The following EFCAB6 variants were observed in gnomAD, a reference collection of about 807,000 sequenced individuals.
EFCAB6 encodes the protein EF-hand calcium-binding domain-containing protein 6.
EFCAB6 carries 156 observed loss-of-function variants against 169.8 expected under a neutral mutation model. That is an observed-to-expected ratio of 0.92 (90% CI 0.81 to 1.05). EFCAB6 has a LOEUF of 1.05. Ranked by LOEUF, EFCAB6 falls within the 50% of genes least tolerant of loss-of-function variation. EFCAB6 has a pLI of 0.00. For missense variants in EFCAB6, 1,800 were observed against 1,829.1 expected, an observed-to-expected ratio of 0.98 and a Z score of 0.29; for synonymous variants, 698 against 676.4, an observed-to-expected ratio of 1.03 and a Z score of -0.50.
chr22:43,802,886 ACACTT>A (rs1218389346), intron 2 of EFCAB6: 2 of 302,014 alleles, frequency 6.6e-6, no homozygotes, highest in Admixed American at 7.3e-5. Context: ...AGCACACAGA[ACACTT>A]CATTGTTGTC....
intron 2 of EFCAB6, among the ~76,000 whole-genome samples, chr22:43,784,560 CATATATATGTGTACATATACACATAT>C (rs2061962486): frequency 1.2e-5 from 1 of 82,288 alleles, no homozygotes; most frequent in African/African-American, 5.6e-5. Flanking sequence ...TATATATACA[CATATATATGTGTACATATACACATAT>C]ATATGTATAT....
chr22:43,646,152 C>G (rs1303945120), intron 17 of EFCAB6, among the ~76,000 whole-genome samples: 1 of 152,184 alleles, frequency 6.6e-6, no homozygotes, highest in African/African-American at 2.4e-5. Flanking sequence ...ATCTGTCGTT[C>G]AAAGGGTAAG....
chr22:43,625,121 T>C (rs1489804265), intron 20 of EFCAB6, among the ~76,000 whole-genome samples: 2 of 152,132 alleles, frequency 1.3e-5, no homozygotes, highest in African/African-American at 2.4e-5. Context: ...ATAAAACCTA[T>C]GAATTCAGGG....
chr22:43,538,849 A>ATTATCTT lies in EFCAB6; in HGVS notation c.3879+1277_3879+1278insAAGATAA, dbSNP rs1255938042. On this transcript the variant is annotated intron_variant, in intron 28 of 31. Transcript: ENST00000262726. ...CAGATTTCCGTGAATTTAGTGGCTT[A>ATTATCTT]AAACAACACCAACTTATTATCTTAC... is the stretch of plus-strand genomic sequence containing the variant. 5.6e-4 allele frequency among the ~76,000 whole-genome samples: 86 copies of ATTATCTT among 152,362 alleles called. No homozygotes were observed. The East Asian group carries it at 0.014, about 25-fold the overall frequency.
chr22:43,644,528 A>C (rs2056026806), intron 17 of EFCAB6, among the ~76,000 whole-genome samples: 1 of 152,244 alleles, frequency 6.6e-6, no homozygotes, highest in East Asian at 1.9e-4. Flanking sequence ...TATTTGATCC[A>C]TAGCGGATGG....
rs549539303 is a variant in EFCAB6 at position 43,690,385 on chromosome 22, G to A, written c.1032-2804C>T. Among the ~76,000 whole-genome samples the A allele has an allele frequency of 1.2e-3, 184 of 150,632 alleles. 1 individual carries two copies. Among genetic ancestry groups the A allele is most frequent in the African/African-American group, 4.1e-3 (169 of 41,036 alleles). On this transcript the variant is annotated intron_variant, in intron 10 of 31. Coordinates refer to ENST00000262726, the MANE Select transcript of EFCAB6 (RefSeq NM_022785.4). ...AAAAAAATTAGCCGGGCATGGTGGCGGGTGCCTGTAATCCCAGCTACTCAG... is the reference window on the plus strand; with the variant it reads ...AAAAAAATTAGCCGGGCATGGTGGCAGGTGCCTGTAATCCCAGCTACTCAG...
intron 2 of EFCAB6, chr22:43,797,461 A>C (rs1310596968): frequency 6.6e-6 from 1 of 152,584 alleles, no homozygotes; most frequent in Non-Finnish European, 1.5e-5. Context: ...ACAATCCAGC[A>C]ATTTGCAAGC....
chr22:43,725,443 A>G (rs750484503), intron 8 of EFCAB6, among the ~76,000 whole-genome samples: 27 of 152,292 alleles, frequency 1.8e-4, no homozygotes, highest in Middle Eastern at 3.4e-3. Context: ...ACCCGGCCCA[A>G]ACTAGCTTTT....
At chr22:43,662,873 A>C (rs1047890546) in intron 17 of EFCAB6, among the ~76,000 whole-genome samples, 3 of 152,226 alleles carry the variant, frequency 2.0e-5, no homozygotes, top group African/African-American at 7.2e-5. Flanking sequence ...CCTATCTCAC[A>C]CCTGCCAGGC....
chr22:43,568,977 A>C (rs1602317901), intron 26 of EFCAB6, among the ~76,000 whole-genome samples: 1 of 152,316 alleles, frequency 6.6e-6, no homozygotes, highest in African/African-American at 2.4e-5. Flanking sequence ...AGGTGGGGAA[A>C]GCCTGGTGTG....
In EFCAB6 at chr22:43,671,822, C is replaced by T. The variant is rs1005520612; in HGVS notation, c.1640+151G>A. On this transcript the variant is annotated intron_variant, in intron 15 of 31. Transcript: ENST00000262726. ...ATATAATGCATGTCAAACTCTTAAG[C>T]AATGTCCAGTGCTAAGCAAGGATTC... 4.5e-6 allele frequency: 4 copies of T among 880,394 alleles called. No individual in the cohort carries two copies. The African/African-American group carries it at 5.1e-5, about 11-fold the overall frequency. 54.5% of individuals were successfully genotyped at this position (880,394 alleles called of 1,614,324 possible). A position where few individuals can be genotyped will look rare whatever the true frequency, so the allele number is the denominator to read the frequency against.
intron 5 of EFCAB6, among the ~76,000 whole-genome samples, chr22:43,763,044 T>C (rs762796906): frequency 2.2e-4 from 34 of 152,088 alleles, no homozygotes; most frequent in Non-Finnish European, 4.6e-4. Context: ...GCTGCACTCA[T>C]TCATTTTTTT....
intron 12 of EFCAB6, among the ~76,000 whole-genome samples, chr22:43,678,954 A>G (rs1346568721): frequency 6.6e-6 from 1 of 152,206 alleles, no homozygotes; most frequent in East Asian, 1.9e-4. Flanking sequence ...TTGAGGGGTA[A>G]ATTAAGTACT....
chr22:43,655,075 T>C lies in EFCAB6; in HGVS notation c.1983+12029A>G, dbSNP rs368279011. On this transcript the variant is annotated intron_variant, in intron 17 of 31. Coordinates refer to ENST00000262726, the MANE Select transcript of EFCAB6 (RefSeq NM_022785.4). Reference sequence around the variant, plus strand: ...GAGTTCGAGACCAGCCTGGCCAACATAGTGAAACCCCATCTCTACTAAAAA... The same window carrying C: ...GAGTTCGAGACCAGCCTGGCCAACACAGTGAAACCCCATCTCTACTAAAAA... 2.3e-4 allele frequency among the ~76,000 whole-genome samples: 35 copies of C among 152,118 alleles called. No individual in the cohort carries two copies. The South Asian group carries it at 5.8e-3, about 25-fold the overall frequency.
At chr22:43,652,130 G>T (rs2056502276) in intron 17 of EFCAB6, among the ~76,000 whole-genome samples, 1 of 152,184 alleles carries the variant, frequency 6.6e-6, no homozygotes, top group East Asian at 1.9e-4. Flanking sequence ...GAATGATATG[G>T]TTTAGCTGTG....
intron 27 of EFCAB6, among the ~76,000 whole-genome samples, chr22:43,543,404 A>G (rs2047861030): frequency 6.6e-6 from 1 of 152,142 alleles, no homozygotes; most frequent in African/African-American, 2.4e-5. Flanking sequence ...GCCCGAGGTG[A>G]GAGAGTGTGT....
At chr22:43,536,020 C>T (rs1179630422) in intron 29 of EFCAB6, 4 of 152,152 alleles carry the variant, frequency 2.6e-5, no homozygotes, top group Admixed American at 1.3e-4. Flanking sequence ...GGAAAGCAAT[C>T]GGCTTTTTTT....
At chr22:43,636,393 G>A (rs1174743207) in intron 17 of EFCAB6, among the ~76,000 whole-genome samples, 2 of 152,116 alleles carry the variant, frequency 1.3e-5, no homozygotes, top group Non-Finnish European at 2.9e-5. Context: ...TGGTCACTGC[G>A]CAGCACCCCT....
In EFCAB6 at chr22:43,628,178, A is replaced by G. The variant is rs1324712069; in HGVS notation, c.2233-1499T>C. Among the ~76,000 whole-genome samples, 2 of 151,516 alleles carry G rather than the reference A, an allele frequency of 1.3e-5. No homozygotes were observed. The highest frequency in any genetic ancestry group is 2.9e-5 in the Non-Finnish European group (2 of 67,886). On this transcript the variant is annotated intron_variant, in intron 19 of 31. Transcript: ENST00000262726. This position sits in a 1 kb window ranked among gnomAD's most constrained non-coding sequence, Gnocchi z 4.8. ...GGCCCAAATCAAACTCCTGACCTCC[A>G]CCCCCTGTCCCCACCCTACTCCTCC...
Sources: gnomAD v4.1 joint callset for allele counts (sites outside exome capture counted in the v4.1 genomes callset) on GRCh38, gnomAD v4.1.1 for gene constraint, Gnocchi (gnomAD v3.1) non-coding constraint, MANE v1.5 for transcripts, NCBI Gene and HGNC (gene_info 2026-07-23, HGNC 2026-07-21) for gene names.